Variants in ANO10 observed in about 807,000 individuals in gnomAD.
The protein encoded by ANO10 is anoctamin-10.
A neutral mutation model predicts 74.7 loss-of-function variants in ANO10; 77 were observed. That is an observed-to-expected ratio of 1.03 (90% CI 0.86 to 1.25). ANO10 has a LOEUF of 1.25. Among genes scored for constraint, ANO10 ranks in the 50% most tolerant of loss-of-function variants. The pLI, the probability that ANO10 is intolerant of heterozygous loss-of-function variation, is 0.00. For synonymous variants in ANO10, 279 were observed against 284.9 expected (o/e 0.98, Z 0.21); for missense variants, 721 against 778.1 (o/e 0.93, Z 0.87).
At chr3:43,503,409 C>A (rs1483387050) in intron 11 of ANO10, among the ~76,000 whole-genome samples, 1 of 152,176 alleles carries the variant, frequency 6.6e-6, no homozygotes, top group Non-Finnish European at 1.5e-5. Flanking sequence ...AAGTAGATCA[C>A]TACTAACATT....
intron 1 of ANO10, among the ~76,000 whole-genome samples, chr3:43,642,577 T>C (rs1161942560): frequency 6.6e-6 from 1 of 152,182 alleles, no homozygotes; most frequent in East Asian, 1.9e-4. Context: ...ATTTTTTAAA[T>C]ATATAAAACA....
chr3:43,512,746 C>T (rs1437292227), intron 11 of ANO10, among the ~76,000 whole-genome samples: 3 of 151,842 alleles, frequency 2.0e-5, no homozygotes, highest in Admixed American at 6.6e-5. Flanking sequence ...CCTAACAGAC[C>T]ACTTCCACCA....
intron 1 of ANO10, 86 bp from the exon 2 acceptor site, chr3:43,605,949 T>C: frequency 4.1e-6 from 6 of 1,463,688 alleles, no homozygotes; most frequent in Non-Finnish European, 5.6e-6. Flanking sequence ...CTCCCAATTA[T>C]ACCTAATTCT....
intron 12 of ANO10, among the ~76,000 whole-genome samples, chr3:43,413,412 C>G (rs962096412): frequency 6.6e-6 from 1 of 152,022 alleles, no homozygotes; most frequent in Admixed American, 6.6e-5. Flanking sequence ...TGGCTCGGTG[C>G]TGTCCTCCTG....
chr3:43,469,255 C>G (rs1391840964), intron 11 of ANO10, among the ~76,000 whole-genome samples: 2 of 150,998 alleles, frequency 1.3e-5, no homozygotes, highest in Admixed American at 6.6e-5. Context: ...ACCATGTTGG[C>G]CAGGCTGGTC....
At chr3:43,470,620 AT>A (rs1414373414) in intron 11 of ANO10, among the ~76,000 whole-genome samples, 7 of 146,452 alleles carry the variant, frequency 4.8e-5, no homozygotes, top group Admixed American at 2.8e-4. Context: ...TTATTTATTT[AT>A]TTATTTATGT....
At chr3:43,535,697 C>T (rs1376074055) in intron 11 of ANO10, among the ~76,000 whole-genome samples, 1 of 152,172 alleles carries the variant, frequency 6.6e-6, no homozygotes, top group Non-Finnish European at 1.5e-5. Context: ...TAGAGTAGCA[C>T]TGTGAGTATA....
At chr3:43,690,924 G>T in intron 1 of ANO10, 1 of 1,505,850 alleles carries the variant, frequency 6.6e-7, no homozygotes, top group Non-Finnish European at 8.8e-7. Context: ...TGCCGCGCCA[G>T]CCCGGGGCGG....
chr3:43,485,079 C>G (rs1041772098), intron 11 of ANO10: 7 of 1,210,740 alleles, frequency 5.8e-6, no homozygotes, highest in African/African-American at 1.5e-5. Flanking sequence ...AACTGCTTGA[C>G]AGCCGGCCGG....
At position 43,443,679 on chromosome 3, in the gene ANO10, C is replaced by CCTTTT. The variant is rs373424427; in HGVS notation, c.1798-10953_1798-10952insAAAAG. On this transcript the variant is annotated intron_variant, in intron 11 of 12. Coordinates refer to ENST00000292246, the MANE Select transcript of ANO10 (RefSeq NM_018075.5). Reference sequence around the variant, plus strand: ...TGAAAAGTATTTTACTTCCTTCCTTCTTTTTTTTTTTTTTTTTTTTGACGG... The same window carrying CCTTTT: ...TGAAAAGTATTTTACTTCCTTCCTTCCTTTTTTTTTTTTTTTTTTTTTTTTGACGG... Among the ~76,000 whole-genome samples, 57 of 122,018 alleles carry CCTTTT rather than the reference C, an allele frequency of 4.7e-4. 3 individuals are homozygous for CCTTTT. The highest frequency in any genetic ancestry group is 6.1e-4 in the Non-Finnish European group (38 of 61,800). The allele number at this position is 122,018 out of a possible 152,430, so 80.0% of individuals were successfully genotyped here.
chr3:43,664,659 T>C (rs987250606), intron 1 of ANO10, among the ~76,000 whole-genome samples: 2 of 152,074 alleles, frequency 1.3e-5, no homozygotes, highest in Admixed American at 6.5e-5. Flanking sequence ...ATCCAGAATC[T>C]ACAAAGAACT....
At chr3:43,496,342 AGC>A (rs1418524965) in intron 11 of ANO10, among the ~76,000 whole-genome samples, 1 of 152,220 alleles carries the variant, frequency 6.6e-6, no homozygotes, top group Non-Finnish European at 1.5e-5. Flanking sequence ...ACCCCATTGT[AGC>A]CATGACAAAC....
In ANO10 at chr3:43,480,234, G is replaced by T. The variant is rs1427858841; in HGVS notation, c.1798-47507C>A. ...ATAGGGGGAAAACATACAACAAATG[G>T]TAAGTCCAGAAAATGCAACAGAGGG... On this transcript the variant is annotated intron_variant, in intron 11 of 12. Transcript: ENST00000292246. Among the ~76,000 whole-genome samples, 4 of 152,144 alleles carry T rather than the reference G, an allele frequency of 2.6e-5. No homozygotes were observed. The South Asian group carries it at 6.2e-4, about 24-fold the overall frequency.
chr3:43,485,754 T>C (rs147005449), intron 11 of ANO10: 99 of 231,252 alleles, frequency 4.3e-4, no homozygotes, highest in African/African-American at 2.1e-3. Context: ...GTACCAGAAG[T>C]GGGACCTGTT....
intron 11 of ANO10, among the ~76,000 whole-genome samples, chr3:43,494,444 A>G (rs2076843024): frequency 6.6e-6 from 1 of 152,146 alleles, no homozygotes; most frequent in Non-Finnish European, 1.5e-5. Flanking sequence ...CAAGAGCGAA[A>G]CTCCATCTCA....
intron 11 of ANO10, among the ~76,000 whole-genome samples, chr3:43,434,856 G>A (rs9824990): frequency 6.6e-6 from 1 of 152,082 alleles, no homozygotes; most frequent in African/African-American, 2.4e-5. Context: ...GTATTGATTA[G>A]ACAATATTAA....
intron 11 of ANO10, among the ~76,000 whole-genome samples, chr3:43,491,470 C>T (rs373755704): frequency 7.9e-5 from 12 of 152,068 alleles, no homozygotes; most frequent in African/African-American, 2.7e-4. Context: ...GCCAAGATTG[C>T]GCCATTGCAC....
At chr3:43,558,843 C>T (rs571974239) in intron 9 of ANO10, among the ~76,000 whole-genome samples, 3 of 152,226 alleles carry the variant, frequency 2.0e-5, no homozygotes, top group South Asian at 4.1e-4. Flanking sequence ...CCAGTGGAGA[C>T]GGTGAAAAAG....
At chr3:43,686,234 C>G (rs2084273036) in intron 1 of ANO10, among the ~76,000 whole-genome samples, 2 of 152,256 alleles carry the variant, frequency 1.3e-5, no homozygotes, top group Admixed American at 6.5e-5. Context: ...TTAAAAACAA[C>G]TTGGAACCAC....
Sources: allele counts gnomAD v4.1 joint callset (sites outside exome capture counted in the v4.1 genomes callset), GRCh38; gene constraint gnomAD v4.1.1; transcripts MANE v1.5; gene names NCBI Gene and HGNC (gene_info 2026-07-23, HGNC 2026-07-21).